Variants in FBXO33 observed in about 807,000 individuals in gnomAD.
FBXO33 encodes the protein F-box protein 33.
Under a neutral mutation model 46.3 loss-of-function variants are expected in FBXO33, and 22 were observed. The observed-to-expected ratio is 0.48, with a 90% confidence interval of 0.34 to 0.68. The LOEUF (loss-of-function observed/expected upper bound fraction) is 0.68. FBXO33 is among the 30% of genes least tolerant of loss of function. FBXO33 has a pLI of 0.01. For missense variants in FBXO33, 692 were observed against 708.8 expected (o/e 0.98, Z 0.27); for synonymous variants, 337 against 291.3 (o/e 1.16, Z -1.60).
intron 1 of FBXO33, among the ~76,000 whole-genome samples, chr14:39,419,054 G>A (rs774864179): frequency 9.2e-5 from 14 of 152,108 alleles, no homozygotes; most frequent in African/African-American, 2.9e-4. Context: ...TGGGATTATC[G>A]AATTCATTCC....
At chr14:39,400,991 T>A (rs1329504978) in intron 3 of FBXO33, among the ~76,000 whole-genome samples, 185 bp downstream of exon 3, 1 of 152,204 alleles carries the variant, frequency 6.6e-6, no homozygotes, top group Admixed American at 6.5e-5. Context: ...GCAGAACACT[T>A]GGGTTTGAAT....
intron 1 of FBXO33, among the ~76,000 whole-genome samples, chr14:39,411,924 T>C (rs1369490526): frequency 3.3e-5 from 5 of 152,232 alleles, no homozygotes; most frequent in African/African-American, 1.2e-4. Context: ...AGAAAAGATA[T>C]CTGACATGAT....
At chr14:39,423,461 AAAG>A (rs1305266688) in intron 1 of FBXO33, among the ~76,000 whole-genome samples, 62 of 152,326 alleles carry the variant, frequency 4.1e-4, no homozygotes, top group African/African-American at 1.4e-3. Context: ...AATGCACTAA[AAAG>A]AAGTGCACAA....
chr14:39,428,777 T>C (rs1308554138), intron 1 of FBXO33, among the ~76,000 whole-genome samples: 1 of 152,184 alleles, frequency 6.6e-6, no homozygotes, highest in Non-Finnish European at 1.5e-5. Context: ...TAAAAATGCA[T>C]TTATATCTAT....
intron 1 of FBXO33, among the ~76,000 whole-genome samples, chr14:39,415,305 G>T (rs2075442380): frequency 6.6e-6 from 1 of 152,120 alleles, no homozygotes; most frequent in Non-Finnish European, 1.5e-5. Context: ...TCTAGAAAAT[G>T]ACGACGACAA....
intron 1 of FBXO33, among the ~76,000 whole-genome samples, chr14:39,404,497 T>C (rs897542827): frequency 1.3e-5 from 2 of 152,042 alleles, no homozygotes; most frequent in African/African-American, 2.4e-5. Context: ...CAGCTAATTT[T>C]TTGTATTTTT....
intron 1 of FBXO33, among the ~76,000 whole-genome samples, chr14:39,421,982 G>T (rs1001342638): frequency 1.3e-5 from 2 of 152,176 alleles, no homozygotes; most frequent in Admixed American, 1.3e-4. Context: ...TACAGACCAG[G>T]CACAGTGGCT....
chr14:39,409,500 A>C (rs1273776182), intron 1 of FBXO33, among the ~76,000 whole-genome samples: 1 of 152,184 alleles, frequency 6.6e-6, no homozygotes, highest in African/African-American at 2.4e-5. Flanking sequence ...ATATATTTTG[A>C]AATTAGGAAG....
At chr14:39,415,927 A>G (rs529438835) in intron 1 of FBXO33, among the ~76,000 whole-genome samples, 18 of 152,352 alleles carry the variant, frequency 1.2e-4, no homozygotes, top group Admixed American at 1.2e-3. Flanking sequence ...TTGGCCTCCC[A>G]AAGTGCTGGA....
Position 39,399,614 on chromosome 14 carries a change from G to A in FBXO33, c.1570C>T (p.Pro524Ser), listed in dbSNP as rs1217211005. The A allele has an allele frequency of 1.2e-6, 2 of 1,613,872 alleles. No individual in the cohort carries two copies. The highest frequency in any genetic ancestry group is 1.7e-6 in the Non-Finnish European group (2 of 1,179,926). The change falls in exon 4 of 4, where the codon CCT becomes TCT. Residue 524 changes from proline (P) to serine (S), a missense_variant. This residue lies in a region of FBXO33 where 94 missense variants were observed against 91.9 expected (regional missense o/e 1.02). Coordinates refer to ENST00000298097, the MANE Select transcript of FBXO33 (RefSeq NM_203301.4). ...IEQVSLGLGQ[P>S]WHAVMDIESL... ...TCGATGTCCATGACTGCATGCCAAG[G>A]TTGACCCAGGCCCAGGGATACCTGC... is the stretch of plus-strand genomic sequence containing the variant.
rs376148412 is a variant in FBXO33 at position 39,414,959 on chromosome 14, T to C, written c.600-12448A>G. The stretch of plus-strand genomic sequence containing the variant: ...GTAATTGGCCTAATTTCAATATTAT[T>C]ATCTCTTAGGGATTTGGGCAGCTCA... On this transcript the variant is annotated intron_variant, in intron 1 of 3. Transcript: ENST00000298097. Among the ~76,000 whole-genome samples, 25 of 152,284 alleles carry C rather than the reference T, an allele frequency of 1.6e-4. No homozygotes were observed. In the East Asian group the frequency reaches 4.6e-3, roughly 28 times the overall value.
chr14:39,412,216 T>C (rs1247034368), intron 1 of FBXO33, among the ~76,000 whole-genome samples: 1 of 152,214 alleles, frequency 6.6e-6, no homozygotes, highest in Non-Finnish European at 1.5e-5. Flanking sequence ...TATGTTAATA[T>C]TTGCTTTACA....
chr14:39,414,488 C>T (rs1320810377), intron 1 of FBXO33, among the ~76,000 whole-genome samples: 1 of 152,218 alleles, frequency 6.6e-6, no homozygotes, highest in Non-Finnish European at 1.5e-5. Flanking sequence ...CCTTTGCATT[C>T]ACAACTTGCC....
In FBXO33 at chr14:39,428,206, T is replaced by G. The variant is rs531339185; in HGVS notation, c.599+3358A>C. On this transcript the variant is annotated intron_variant, in intron 1 of 3. Coordinates refer to ENST00000298097, the MANE Select transcript of FBXO33 (RefSeq NM_203301.4). ...TGGTCTGTTACAATATGCATTCTTT[T>G]TTTTTAAATTTTTTTTTGAGACGGA... 1.1e-4 allele frequency among the ~76,000 whole-genome samples: 17 copies of G among 152,304 alleles called. No homozygotes were observed. The East Asian group carries it at 1.9e-3, about 17-fold the overall frequency.
chr14:39,408,843 A>T (rs2075410218), intron 1 of FBXO33, among the ~76,000 whole-genome samples: 1 of 151,650 alleles, frequency 6.6e-6, no homozygotes, highest in Non-Finnish European at 1.5e-5. Flanking sequence ...TGGTGTAATC[A>T]TGGCTTACTG....
rs114416046 is a variant in FBXO33, at chr14:39,405,689, A to C, written c.600-3178T>G. Among the ~76,000 whole-genome samples, 732 of 152,116 alleles carry C rather than the reference A, an allele frequency of 4.8e-3. 2 individuals carry two copies. Among genetic ancestry groups the C allele is most frequent in the African/African-American group, 0.017 (695 of 41,546 alleles). On this transcript the variant is annotated intron_variant, in intron 1 of 3. Transcript: ENST00000298097. ...CATACCTCACTAAAAAGGGCAAACC[A>C]ACATTGTGAGAAAAATGTGTAACAA...
intron 1 of FBXO33, among the ~76,000 whole-genome samples, chr14:39,422,547 T>C (rs1462999225): frequency 6.6e-6 from 1 of 152,234 alleles, no homozygotes; most frequent in Non-Finnish European, 1.5e-5. Flanking sequence ...CACAAGTGCC[T>C]ACAGATTTCC....
rs528125079 is a variant in FBXO33, at chr14:39,418,700, G to A, written c.599+12864C>T. ...TGAGGCAGGAGAATGACGTGAACCC[G>A]GAAGGCAGAGGTTGCAGTGAGCCGA... On this transcript the variant is annotated intron_variant, in intron 1 of 3. Transcript: ENST00000298097. 3.3e-5 allele frequency among the ~76,000 whole-genome samples: 5 copies of A among 150,796 alleles called. No homozygotes were observed. In the South Asian group the frequency reaches 1.1e-3, roughly 32 times the overall value.
intron 1 of FBXO33, among the ~76,000 whole-genome samples, chr14:39,405,443 T>C (rs1175136013): frequency 6.9e-6 from 1 of 144,044 alleles, no homozygotes; most frequent in Non-Finnish European, 1.5e-5. Flanking sequence ...CATGGTACAG[T>C]TTCTTTCTTA....
Sources: gnomAD v4.1 joint callset for allele counts (sites outside exome capture counted in the v4.1 genomes callset) on GRCh38, gnomAD v4.1.1 for gene constraint, gnomAD v4.1.1 regional missense constraint, MANE v1.5 for transcripts, NCBI Gene and HGNC (gene_info 2026-07-23, HGNC 2026-07-21) for gene names.